The following CPAMD8 variants were observed in gnomAD, a reference collection of about 807,000 sequenced individuals.
CPAMD8 encodes the protein C3 and PZP like alpha-2-macroglobulin domain containing 8.
A neutral mutation model predicts 224.7 loss-of-function variants in CPAMD8; 146 were observed. The ratio of observed to expected loss-of-function variants is 0.65; its 90% CI spans 0.57 to 0.75. The LOEUF is 0.75. Ranked by LOEUF, CPAMD8 falls within the 30% of genes least tolerant of loss-of-function variation. The pLI, the probability that CPAMD8 is intolerant of heterozygous loss-of-function variation, is 0.00. For missense variants in CPAMD8, 2,301 were observed against 2,537.5 expected, an observed-to-expected ratio of 0.91 and a Z score of 2.00; for synonymous variants, 966 against 1,044.6, an observed-to-expected ratio of 0.92 and a Z score of 1.45.
In CPAMD8 at chr19:16,896,526, G is replaced by A. The variant is rs759458693; in HGVS notation, c.5205C>T (p.Cys1735=). 6.2e-6 allele frequency: 9 copies of A among 1,444,212 alleles called. No homozygotes were observed. In the South Asian group the frequency reaches 1.0e-4, roughly 16 times the overall value. The allele number at this position is 1,444,212 out of a possible 1,614,324, so 89.5% of individuals were successfully genotyped here. ...GSDGVVYASA[C]RLREAACRQA... is the part of the protein sequence containing the mutation. ...GGCGGCAGGCGGCCTCCCGCAGGCGGCAGGCGCTGGCGTAGACCACCCCGT... is the reference window on the plus strand; with the variant it reads ...GGCGGCAGGCGGCCTCCCGCAGGCGACAGGCGCTGGCGTAGACCACCCCGT... The change falls in exon 40 of 42, where the codon TGC becomes TGT. Residue 1735 remains cysteine (C), a synonymous_variant. Transcript: ENST00000443236.
intron 3 of CPAMD8, among the ~76,000 whole-genome samples, chr19:17,020,065 C>T (rs1205543229): frequency 1.3e-5 from 2 of 150,154 alleles, no homozygotes; most frequent in African/African-American, 4.9e-5. Context: ...TCCTCCGCCT[C>T]CCAGGTTCAA....
At chr19:16,963,675 G>T (rs1405498847) in intron 18 of CPAMD8, among the ~76,000 whole-genome samples, 1 of 152,138 alleles carries the variant, frequency 6.6e-6, no homozygotes, top group East Asian at 1.9e-4. Flanking sequence ...ATTGAACTCA[G>T]CTCTGCACCA....
At chr19:16,908,790 G>C (rs1200007804) in intron 29 of CPAMD8, among the ~76,000 whole-genome samples, 2 of 152,188 alleles carry the variant, frequency 1.3e-5, no homozygotes, top group Non-Finnish European at 2.9e-5. Flanking sequence ...CATGTGCCAG[G>C]GATGAACCCG....
intron 6 of CPAMD8, 162 bp downstream of exon 6, chr19:17,009,140 AG>A: frequency 9.1e-7 from 1 of 1,093,092 alleles, no homozygotes; most frequent in Non-Finnish European, 1.3e-6. Context: ...AGCCCATCCC[AG>A]GGCGGACCCA....
chr19:17,015,260 A>C (rs1051108724), intron 3 of CPAMD8, among the ~76,000 whole-genome samples: 1 of 152,168 alleles, frequency 6.6e-6, no homozygotes, highest in Non-Finnish European at 1.5e-5. Context: ...AAAAATAAAA[A>C]AAATGTAAAA....
At chr19:17,008,476 G>T (rs2056552973) in intron 7 of CPAMD8, 29 bp downstream of exon 7, 2 of 1,611,694 alleles carry the variant, frequency 1.2e-6, no homozygotes, top group Non-Finnish European at 1.7e-6. Context: ...CACATCTGCA[G>T]CCCCCAAGCC....
intron 3 of CPAMD8, among the ~76,000 whole-genome samples, chr19:17,012,346 CTTTCTTT>C (rs2056681669): frequency 2.2e-5 from 2 of 92,648 alleles, no homozygotes; most frequent in African/African-American, 6.2e-5. Flanking sequence ...TTCTTTCTTT[CTTTCTTT>C]TTTTTTTTTT....
chr19:16,898,014 G>T lies in CPAMD8; in HGVS notation c.4849-20C>A. 1 of 1,586,726 alleles carries T rather than the reference G, an allele frequency of 6.3e-7. No individual in the cohort carries two copies. Among genetic ancestry groups the T allele is most frequent in the Non-Finnish European group, 8.6e-7 (1 of 1,166,404 alleles). On this transcript the variant is annotated intron_variant, in intron 37 of 41. Coordinates refer to ENST00000443236, the MANE Select transcript of CPAMD8 (RefSeq NM_015692.5). The surrounding 1 kb of genome is among the most constrained non-coding windows in gnomAD (Gnocchi z 4.2). ...GGGGATCTGTGGGGCAGCGGCGGGCGCAGGCTCGACCCGGGCCAGGAGGCC... is the reference window on the plus strand; with the variant it reads ...GGGGATCTGTGGGGCAGCGGCGGGCTCAGGCTCGACCCGGGCCAGGAGGCC...
At position 16,925,635 on chromosome 19, in the gene CPAMD8, C is replaced by T. The variant is rs1432397876; in HGVS notation, c.3371-263G>A. Among the ~76,000 whole-genome samples, 10 of 152,192 alleles carry T rather than the reference C, an allele frequency of 6.6e-5. No homozygotes were observed. In the East Asian group the frequency reaches 1.2e-3, roughly 18 times the overall value. ...ATTCTGTTCAATGCTTTTTCCCTCC[C>T]TGGCTTTTAAAATAGGTGCATTGAA... On this transcript the variant is annotated intron_variant, in intron 25 of 41. Coordinates refer to ENST00000443236, the MANE Select transcript of CPAMD8 (RefSeq NM_015692.5).
chr19:16,914,036 A>C (rs1281977074), intron 29 of CPAMD8, among the ~76,000 whole-genome samples: 1 of 152,094 alleles, frequency 6.6e-6, no homozygotes, highest in East Asian at 1.9e-4. Context: ...TTCCCTGCAA[A>C]AACATGCATG....
rs1213576470 is a variant in CPAMD8 at position 16,896,330 on chromosome 19, G to A, written c.5276-4C>T. ...GACGAGGCCGGCAGCCGCTGCTCTGGAAGGAAGGGGGCCTCGGTCGGGAGG... is the reference window on the plus strand; with the variant it reads ...GACGAGGCCGGCAGCCGCTGCTCTGAAAGGAAGGGGGCCTCGGTCGGGAGG... On this transcript the variant is annotated splice_region_variant and splice_polypyrimidine_tract_variant and intron_variant, in intron 40 of 41. Coordinates refer to ENST00000443236, the MANE Select transcript of CPAMD8 (RefSeq NM_015692.5). 1 of 1,602,516 alleles carries A rather than the reference G, an allele frequency of 6.2e-7. No individual in the cohort carries two copies. The highest frequency in any genetic ancestry group is 1.3e-5 in the African/African-American group (1 of 74,766).
chr19:16,905,244 T>G (rs955160485), intron 30 of CPAMD8, among the ~76,000 whole-genome samples: 2 of 150,878 alleles, frequency 1.3e-5, no homozygotes, highest in African/African-American at 2.4e-5. Context: ...TGAGACTGTC[T>G]CAATAAATAA....
intron 12 of CPAMD8, among the ~76,000 whole-genome samples, chr19:16,991,700 C>G (rs1465652520): frequency 6.6e-6 from 1 of 151,922 alleles, no homozygotes. Flanking sequence ...ACTAGAAATA[C>G]AAAAATTAGC....
In CPAMD8 at chr19:16,925,335, G is replaced by C; in HGVS notation, c.3408C>G (p.Asn1136Lys). The C allele has an allele frequency of 6.2e-7, 1 of 1,614,214 alleles. No individual in the cohort carries two copies. The highest frequency in any genetic ancestry group is 1.1e-5 in the South Asian group (1 of 91,088). ...CACAGCCAAACGGCAGCCGCAGGAG[G>C]TTGTTGAGGTGGTTCAGGGTTGGCC... Reference protein sequence around the residue: ...VMGPTLNHLNNLLRLPFGCGE... With the variant: ...VMGPTLNHLNKLLRLPFGCGE... Residue 1136 changes from asparagine to lysine, a missense_variant, in exon 26 of 42, where the codon AAC becomes AAG. Asn to Lys is a moderately conservative substitution (Grantham distance 94). Coordinates refer to ENST00000443236, the MANE Select transcript of CPAMD8 (RefSeq NM_015692.5).
Position 16,977,376 on chromosome 19 carries a change from C to T in CPAMD8, c.1750G>A (p.Glu584Lys), listed in dbSNP as rs770476590. Residue 584 changes from glutamate (E) to lysine (K), a missense_variant, in exon 15 of 42, where the codon GAA becomes AAA. Physicochemically the swap from Glu to Lys is moderately conservative, Grantham distance 56 (BLOSUM62 1). Around this residue, in one of 4 missense-constraint regions of CPAMD8, gnomAD observed 301 missense variants for 406.6 expected, o/e 0.74. Transcript: ENST00000443236. ...AGTGCACGATGCTCTACCTGGTTTTCGAAGAAGGTCTCGACTGCAAACTGA... is the reference window on the plus strand; with the variant it reads ...AGTGCACGATGCTCTACCTGGTTTTTGAAGAAGGTCTCGACTGCAAACTGA... ...SLQFAVETFF[E>K]NQVSVTYSAN... is the part of the protein sequence containing the mutation. 11 of 1,610,146 alleles carry T rather than the reference C, an allele frequency of 6.8e-6. No individual in the cohort carries two copies. Among genetic ancestry groups the T allele is most frequent in the Admixed American group, 3.3e-5 (2 of 59,870 alleles).
intron 26 of CPAMD8, among the ~76,000 whole-genome samples, chr19:16,923,482 G>T (rs542171738): frequency 6.6e-6 from 1 of 152,182 alleles, no homozygotes. Context: ...CACAGAGACA[G>T]GACCGGTGAC....
rs778787711 is a variant in CPAMD8, at chr19:16,903,873, G to A, written c.4252-16C>T. On this transcript the variant is annotated splice_polypyrimidine_tract_variant and intron_variant, in intron 32 of 41. Coordinates refer to ENST00000443236, the MANE Select transcript of CPAMD8 (RefSeq NM_015692.5). ...CGCAGGTGTCCTGGGGATGGAGGAG[G>A]AGACGGCCATCAACCCTGAGACTGA... 8.7e-6 allele frequency: 14 copies of A among 1,611,436 alleles called. No individual in the cohort carries two copies. In the East Asian group the frequency reaches 2.7e-4, roughly 31 times the overall value.
chr19:16,893,059 T>A lies in CPAMD8; in HGVS notation c.*49A>T, dbSNP rs759064792. ...CACAAGCTGGGTGTGTGGGTATGAA[T>A]GGTCCCCAGGACCAAACTGCGGTCC... On this transcript the variant is annotated 3_prime_UTR_variant, in exon 42 of 42. Transcript: ENST00000443236. The A allele has an allele frequency of 4.7e-6, 4 of 851,796 alleles. No individual in the cohort carries two copies. Among genetic ancestry groups the A allele is most frequent in the Non-Finnish European group, 8.2e-6 (4 of 485,496 alleles). The allele number at this position is 851,796 out of a possible 1,614,324, so 52.8% of individuals were successfully genotyped here. A position where few individuals can be genotyped will look rare whatever the true frequency, so the allele number is the denominator to read the frequency against.
chr19:16,979,108 C>T (rs2055391887), intron 14 of CPAMD8, among the ~76,000 whole-genome samples: 1 of 151,514 alleles, frequency 6.6e-6, no homozygotes, highest in Non-Finnish European at 1.5e-5. Context: ...CACTATCCAT[C>T]CATCTATCCA....
Sources: gnomAD v4.1 joint callset for allele counts (sites outside exome capture counted in the v4.1 genomes callset) on GRCh38, gnomAD v4.1.1 for gene constraint, gnomAD v4.1.1 regional missense constraint, Gnocchi (gnomAD v3.1) non-coding constraint, MANE v1.5 for transcripts, NCBI Gene and HGNC (gene_info 2026-07-23, HGNC 2026-07-21) for gene names.